Variants in MAP4K5 observed in about 807,000 individuals in gnomAD.
MAP4K5 encodes mitogen-activated protein kinase kinase kinase kinase 5, also known as MAPK/ERK kinase kinase kinase 5.
MAP4K5 carries 82 observed loss-of-function variants against 135.6 expected under a neutral mutation model. That is an observed-to-expected ratio of 0.60 (90% CI 0.51 to 0.73). The LOEUF is 0.73. Ranked by LOEUF, MAP4K5 falls within the 30% of genes least tolerant of loss-of-function variation. MAP4K5 has a pLI of 0.00. For missense variants in MAP4K5, 907 were observed against 1,010.9 expected (o/e 0.90, Z 1.39); for synonymous variants, 347 against 335.0 (o/e 1.04, Z -0.39).
chr14:50,470,233 A>C (rs2036926909), intron 9 of MAP4K5, among the ~76,000 whole-genome samples: 1 of 152,182 alleles, frequency 6.6e-6, no homozygotes, highest in Non-Finnish European at 1.5e-5. Context: ...GTATTCAATC[A>C]GTTGGCCATA....
chr14:50,544,394 A>C (rs2038602334), intron 1 of MAP4K5, among the ~76,000 whole-genome samples: 1 of 152,206 alleles, frequency 6.6e-6, no homozygotes, highest in Non-Finnish European at 1.5e-5. Context: ...CCCCCGTCTT[A>C]GGGAATAAAT....
chr14:50,448,320 T>C (rs948831926), intron 15 of MAP4K5, among the ~76,000 whole-genome samples: 1 of 152,174 alleles, frequency 6.6e-6, no homozygotes, highest in African/African-American at 2.4e-5. Context: ...CGGCCACTTT[T>C]TTCATTTTAG....
upstream of MAP4K5, among the ~76,000 whole-genome samples, chr14:50,537,607 T>G (rs1357775923): frequency 6.6e-6 from 1 of 152,236 alleles, no homozygotes; most frequent in East Asian, 1.9e-4. Context: ...AGAGGGAGGC[T>G]GTACCCTGCA....
chr14:50,509,434 A>G, intron 2 of MAP4K5, among the ~76,000 whole-genome samples: 1 of 152,194 alleles, frequency 6.6e-6, no homozygotes, highest in East Asian at 1.9e-4. Context: ...TTAACAAAAT[A>G]ATCTACTGAA....
chr14:50,458,328 T>C (rs893473711), intron 13 of MAP4K5, among the ~76,000 whole-genome samples: 1 of 152,126 alleles, frequency 6.6e-6, no homozygotes. Flanking sequence ...TTTTGGACAG[T>C]ATTCATGAGC....
chr14:50,474,936 C>A, intron 9 of MAP4K5, 141 bp downstream of exon 9: 1 of 684,508 alleles, frequency 1.5e-6, no homozygotes, highest in South Asian at 2.0e-5. Context: ...GTTCCCTAAC[C>A]CAAACAGAAC....
chr14:50,553,571 T>G (rs11849442), intron 1 of MAP4K5, among the ~76,000 whole-genome samples: 6,742 of 152,214 alleles, frequency 0.044, 473 homozygotes, highest in African/African-American at 0.15. Context: ...AAAGTGGAAC[T>G]ACCATTTGAC....
At chr14:50,468,558 A>G in intron 10 of MAP4K5, 93 bp downstream of exon 10, 2 of 1,303,664 alleles carry the variant, frequency 1.5e-6, no homozygotes, top group Non-Finnish European at 2.1e-6. Context: ...ACTATTTTTC[A>G]TTCTTAAAAA....
intron 30 of MAP4K5, among the ~76,000 whole-genome samples, chr14:50,427,873 G>C (rs1178602832): frequency 2.0e-5 from 3 of 152,150 alleles, no homozygotes; most frequent in Non-Finnish European, 2.9e-5. Context: ...TATAAAAATA[G>C]TTCCAAAAGC....
intron 3 of MAP4K5, among the ~76,000 whole-genome samples, chr14:50,488,061 G>C (rs1455614231): frequency 6.6e-6 from 1 of 151,968 alleles, no homozygotes; most frequent in Non-Finnish European, 1.5e-5. Context: ...CCCAAGACTG[G>C]GTAATTTATA....
chr14:50,476,620 C>A (rs985368544), intron 6 of MAP4K5, among the ~76,000 whole-genome samples: 2 of 152,100 alleles, frequency 1.3e-5, no homozygotes, highest in Non-Finnish European at 2.9e-5. Context: ...GCCACTATGC[C>A]CAGCTAATTT....
At chr14:50,518,959 A>G (rs929298259) in intron 2 of MAP4K5, among the ~76,000 whole-genome samples, 8 of 152,130 alleles carry the variant, frequency 5.3e-5, no homozygotes, top group Admixed American at 4.6e-4. Flanking sequence ...CTTTAAGACA[A>G]TTTAGGAAAT....
At chr14:50,422,836 G>A (rs2035763226) in intron 32 of MAP4K5, among the ~76,000 whole-genome samples, 1 of 152,092 alleles carries the variant, frequency 6.6e-6, no homozygotes, top group South Asian at 2.1e-4. Context: ...AGACAAACGG[G>A]CCCGAAATAG....
chr14:50,463,907 A>T lies in MAP4K5; in HGVS notation c.819+145T>A. On this transcript the variant is annotated intron_variant, in intron 12 of 32. Transcript: ENST00000682126. Reference sequence around the variant, plus strand: ...CCCTGTTTCCAAAAAAAAAAAAAAAAAAAAAAAAAAAAAAAAAAAAAGTTT... The same window carrying T: ...CCCTGTTTCCAAAAAAAAAAAAAAATAAAAAAAAAAAAAAAAAAAAAGTTT... 1.1e-4 allele frequency: 7 copies of T among 61,200 alleles called. No individual in the cohort carries two copies. In the South Asian group the frequency reaches 1.6e-3, roughly 14 times the overall value. The allele number at this position is 61,200 out of a possible 1,614,324, so 3.8% of individuals were successfully genotyped here.
intron 21 of MAP4K5, among the ~76,000 whole-genome samples, chr14:50,440,768 A>T (rs2036208800): frequency 6.6e-6 from 1 of 152,158 alleles, no homozygotes; most frequent in South Asian, 2.1e-4. Flanking sequence ...GACCAAGGAA[A>T]CAAAAAGTTA....
chr14:50,434,658 C>T (rs1247359271), intron 27 of MAP4K5, 87 bp from the exon 28 acceptor site: 2 of 1,151,798 alleles, frequency 1.7e-6, no homozygotes, highest in Non-Finnish European at 1.2e-6. Flanking sequence ...AGAAAGACTC[C>T]TATCTTCTTC....
chr14:50,495,949 T>C (rs2037582637), intron 3 of MAP4K5, among the ~76,000 whole-genome samples: 3 of 152,202 alleles, frequency 2.0e-5, no homozygotes, highest in Admixed American at 2.0e-4. Flanking sequence ...TATAGAGTTT[T>C]AGTTTTGCAA....
At chr14:50,480,015 CT>C (rs147655922) in intron 6 of MAP4K5, among the ~76,000 whole-genome samples, 5,225 of 152,122 alleles carry the variant, frequency 0.034, 272 homozygotes, top group African/African-American at 0.11. Context: ...TATATTTTGC[CT>C]ACTTTATTTG....
chr14:50,540,065 T>C (rs534472437), intron 2 of MAP4K5, among the ~76,000 whole-genome samples: 149 of 152,282 alleles, frequency 9.8e-4, no homozygotes, highest in Admixed American at 3.4e-3. Context: ...CTGCCCTCAG[T>C]GGATTAGAGA....
Sources: gnomAD v4.1 joint callset for allele counts (sites outside exome capture counted in the v4.1 genomes callset) on GRCh38, gnomAD v4.1.1 for gene constraint, MANE v1.5 for transcripts, NCBI Gene and HGNC (gene_info 2026-07-23, HGNC 2026-07-21) for gene names.